DLG2: variants seen among roughly 807,000 people sequenced by gnomAD.
DLG2 encodes the protein disks large homolog 2.
Under a neutral mutation model 132.5 loss-of-function variants are expected in DLG2, and 45 were observed. The ratio of observed to expected loss-of-function variants is 0.34; its 90% CI spans 0.27 to 0.44. DLG2 has a LOEUF of 0.44. DLG2 is among the 20% of genes least tolerant of loss of function. The probability of loss-of-function intolerance (pLI) is 1.00; values close to 1 mark genes in which losing one functional copy is unlikely to be tolerated. For synonymous variants in DLG2, 424 were observed against 419.6 expected, an observed-to-expected ratio of 1.01 and a Z score of -0.13; for missense variants, 1,045 against 1,196.9, an observed-to-expected ratio of 0.87 and a Z score of 1.87.
chr11:85,083,765 C>T (rs1318335083), intron 6 of DLG2, among the ~76,000 whole-genome samples: 2 of 152,074 alleles, frequency 1.3e-5, no homozygotes, highest in Non-Finnish European at 2.9e-5. Flanking sequence ...TTTCATTATG[C>T]AGATGAAGCC....
chr11:85,503,467 T>C (rs1038080568), intron 3 of DLG2, among the ~76,000 whole-genome samples: 9 of 151,990 alleles, frequency 5.9e-5, no homozygotes, highest in African/African-American at 2.2e-4. Flanking sequence ...GGTGCTATGG[T>C]TTGAATGTTC....
intron 10 of DLG2, among the ~76,000 whole-genome samples, chr11:84,082,999 G>C (rs2096925838): frequency 6.6e-6 from 1 of 152,216 alleles, no homozygotes; most frequent in African/African-American, 2.4e-5. Context: ...TAAGTCAGTT[G>C]CTGGGTATGG....
At chr11:84,640,870 G>A (rs2099659672) in intron 6 of DLG2, among the ~76,000 whole-genome samples, 1 of 151,516 alleles carries the variant, frequency 6.6e-6, no homozygotes, top group Non-Finnish European at 1.5e-5. Context: ...AACCCAGGAG[G>A]TGGAGGTTGC....
At chr11:84,486,793 G>T (rs1285353739) in intron 7 of DLG2, among the ~76,000 whole-genome samples, 1 of 151,986 alleles carries the variant, frequency 6.6e-6, no homozygotes, top group Non-Finnish European at 1.5e-5. Flanking sequence ...GCATTCAATA[G>T]CTCAATAGTT....
chr11:83,831,236 A>T (rs545047164), intron 17 of DLG2, among the ~76,000 whole-genome samples: 2 of 152,326 alleles, frequency 1.3e-5, no homozygotes, highest in South Asian at 4.1e-4. Context: ...GCTGCCAGTT[A>T]TATCTTACAT....
intron 6 of DLG2, among the ~76,000 whole-genome samples, chr11:84,557,328 C>A (rs543892617): frequency 6.6e-6 from 1 of 151,892 alleles, no homozygotes; most frequent in South Asian, 2.1e-4. Context: ...TGCTTAGTGC[C>A]TATTGAAGAG....
At chr11:85,364,600 G>A (rs959399462) in intron 3 of DLG2, among the ~76,000 whole-genome samples, 1 of 151,954 alleles carries the variant, frequency 6.6e-6, no homozygotes, top group African/African-American at 2.4e-5. Flanking sequence ...CCCTTCTGAT[G>A]CTTTCTGGGA....
At chr11:84,666,616 C>A (rs1234241263) in intron 6 of DLG2, among the ~76,000 whole-genome samples, 1 of 151,970 alleles carries the variant, frequency 6.6e-6, no homozygotes, top group African/African-American at 2.4e-5. Flanking sequence ...AAAGTACTCA[C>A]CAAACAACTA....
At chr11:84,694,192 C>A (rs778867393) in intron 6 of DLG2, among the ~76,000 whole-genome samples, 13 of 151,542 alleles carry the variant, frequency 8.6e-5, no homozygotes, top group Non-Finnish European at 1.9e-4. Context: ...GTTCTTAAGA[C>A]TGAGGTCATC....
chr11:84,479,126 T>C (rs1300107180), intron 7 of DLG2, among the ~76,000 whole-genome samples: 2 of 152,118 alleles, frequency 1.3e-5, no homozygotes, highest in African/African-American at 2.4e-5. Flanking sequence ...ATGACATATA[T>C]TTCTAAGCCT....
chr11:83,782,889 T>G (rs528564921), intron 18 of DLG2, among the ~76,000 whole-genome samples: 6 of 152,252 alleles, frequency 3.9e-5, no homozygotes, highest in African/African-American at 1.2e-4. Flanking sequence ...TGGGTGCACA[T>G]GTGTGTAAGA....
intron 6 of DLG2, among the ~76,000 whole-genome samples, chr11:85,109,830 T>C (rs1300827413): frequency 6.6e-6 from 1 of 152,108 alleles, no homozygotes; most frequent in Non-Finnish European, 1.5e-5. Context: ...CGTTCTATGG[T>C]ATTCTCTTAG....
chr11:85,567,346 A>G (rs1166963940), intron 3 of DLG2, among the ~76,000 whole-genome samples: 9 of 152,118 alleles, frequency 5.9e-5, no homozygotes, highest in Non-Finnish European at 2.9e-5. Context: ...TTATTTGAGC[A>G]ATGTTTTAGA....
chr11:84,448,321 G>A (rs1385666813), intron 7 of DLG2, among the ~76,000 whole-genome samples: 4 of 151,910 alleles, frequency 2.6e-5, no homozygotes, highest in African/African-American at 9.7e-5. Context: ...ACATCTCTGG[G>A]TATTGAACTA....
intron 6 of DLG2, among the ~76,000 whole-genome samples, chr11:84,977,130 C>G (rs1457581070): frequency 6.6e-5 from 10 of 152,102 alleles, no homozygotes; most frequent in African/African-American, 2.4e-4. Flanking sequence ...TGATCCCAGT[C>G]ACTCCAAGGG....
Position 85,527,256 on chromosome 11 carries a change from G to A in DLG2, c.40+71401C>T, listed in dbSNP as rs1299979573. 2.0e-5 allele frequency among the ~76,000 whole-genome samples: 3 copies of A among 151,136 alleles called. No individual in the cohort carries two copies. In the East Asian group the frequency reaches 5.9e-4, roughly 30 times the overall value. ...GGGTTTGTTACATAGATATACATAT[G>A]CTATAGTGGTTTGCTGCACCTATCG... On this transcript the variant is annotated intron_variant, in intron 3 of 27. Transcript: ENST00000376104.
chr11:85,471,372 C>T (rs1342885250), intron 3 of DLG2, among the ~76,000 whole-genome samples: 1 of 151,760 alleles, frequency 6.6e-6, no homozygotes, highest in East Asian at 1.9e-4. Context: ...TGAAAAATAG[C>T]CGACCTATCA....
chr11:83,637,527 AG>A (rs1311669666), intron 18 of DLG2, among the ~76,000 whole-genome samples: 3 of 152,200 alleles, frequency 2.0e-5, no homozygotes, highest in African/African-American at 7.2e-5. Context: ...ACTTCACAAA[AG>A]TCATAGAGCT....
At chr11:85,278,671 T>C (rs1202525770) in intron 4 of DLG2, among the ~76,000 whole-genome samples, 1 of 152,144 alleles carries the variant, frequency 6.6e-6, no homozygotes, top group Non-Finnish European at 1.5e-5. Context: ...TCTAAGCCTT[T>C]ACTCACATAG....
Sources: allele counts gnomAD v4.1 joint callset (sites outside exome capture counted in the v4.1 genomes callset), GRCh38; gene constraint gnomAD v4.1.1; transcripts MANE v1.5; gene names NCBI Gene and HGNC (gene_info 2026-07-23, HGNC 2026-07-21).